The following CCDC3 variants were observed in gnomAD, a reference collection of about 807,000 sequenced individuals.
The protein encoded by CCDC3 is coiled-coil domain-containing protein 3.
CCDC3 carries 24 observed loss-of-function variants against 21.4 expected under a neutral mutation model. The observed-to-expected ratio is 1.12, with a 90% confidence interval of 0.81 to 1.58. The LOEUF is 1.58. Ranked by LOEUF, CCDC3 falls within the 40% of genes most tolerant of loss-of-function variation. CCDC3 has a pLI of 0.00. For missense variants in CCDC3, 425 were observed against 360.9 expected, an observed-to-expected ratio of 1.18 and a Z score of -1.44; for synonymous variants, 186 against 166.0, an observed-to-expected ratio of 1.12 and a Z score of -0.93.
chr10:13,000,816 C>CA (rs1389047050), intron 1 of CCDC3, among the ~76,000 whole-genome samples: 1 of 152,120 alleles, frequency 6.6e-6, no homozygotes, highest in Non-Finnish European at 1.5e-5. Context: ...AGGGCAGAGC[C>CA]AAAATGCCAG....
In CCDC3 at chr10:12,961,803, C is replaced by A. The variant is rs78226500; in HGVS notation, c.549+36535G>T. Among the ~76,000 whole-genome samples, 426 of 152,260 alleles carry A rather than the reference C, an allele frequency of 2.8e-3. 9 individuals are homozygous for A. In the East Asian group the frequency reaches 0.047, roughly 17 times the overall value. Reference sequence around the variant, plus strand: ...TCAGCCCTTTCCTTGGTTCATGCTGCTCAACCCCTCATGAAGCTTCCAAGT... The same window carrying A: ...TCAGCCCTTTCCTTGGTTCATGCTGATCAACCCCTCATGAAGCTTCCAAGT... On this transcript the variant is annotated intron_variant, in intron 2 of 2. Transcript: ENST00000378825.
At chr10:12,950,977 T>A (rs953160298) in intron 2 of CCDC3, among the ~76,000 whole-genome samples, 2 of 152,214 alleles carry the variant, frequency 1.3e-5, no homozygotes, top group African/African-American at 4.8e-5. Flanking sequence ...CCTTCCTCGA[T>A]AACACGAAGG....
At chr10:13,006,725 A>G (rs971630845) in intron 5 of CCDC3, among the ~76,000 whole-genome samples, 2 of 152,162 alleles carry the variant, frequency 1.3e-5, no homozygotes, top group Admixed American at 6.5e-5. Flanking sequence ...GCATGTGGCA[A>G]TGGTGCAGGG....
At chr10:13,008,021 G>C (rs1835944474) in intron 5 of CCDC3, among the ~76,000 whole-genome samples, 1 of 152,146 alleles carries the variant, frequency 6.6e-6, no homozygotes, top group Admixed American at 6.5e-5. Context: ...GCCCACTATA[G>C]GATATGAGAG....
At chr10:12,967,186 C>T (rs929790571) in intron 2 of CCDC3, among the ~76,000 whole-genome samples, 1 of 152,208 alleles carries the variant, frequency 6.6e-6, no homozygotes, top group Admixed American at 6.5e-5. Flanking sequence ...ATTCCATAAA[C>T]AGCATAGGTC....
Position 13,001,699 on chromosome 10 carries a change from C to T in CCDC3, c.-129G>A, listed in dbSNP as rs1158320377. On this transcript the variant is annotated 5_prime_UTR_variant, in exon 1 of 3. Transcript: ENST00000378825. ...GAGCTGAGCGCACCGCTGTCTCCGC[C>T]ACGGGGCTCGGCATGCCCGGCCCTG... 1.5e-5 allele frequency: 9 copies of T among 581,052 alleles called. No homozygotes were observed. The highest frequency in any genetic ancestry group is 2.5e-4 in the East Asian group (2 of 8,102). 36.0% of individuals were successfully genotyped at this position (581,052 alleles called of 1,614,324 possible). A position where few individuals can be genotyped will look rare whatever the true frequency, so the allele number is the denominator to read the frequency against.
chr10:12,962,517 T>C (rs1457911839), intron 2 of CCDC3, among the ~76,000 whole-genome samples: 1 of 152,122 alleles, frequency 6.6e-6, no homozygotes, highest in Non-Finnish European at 1.5e-5. Flanking sequence ...GCAGGAGAAT[T>C]GCTTGAACCT....
chr10:12,904,421 A>T (rs1834140680), intron 2 of CCDC3, among the ~76,000 whole-genome samples: 1 of 139,742 alleles, frequency 7.2e-6, no homozygotes, highest in Admixed American at 8.0e-5. Flanking sequence ...GTGAGCCATG[A>T]TTGCACCACT....
intron 5 of CCDC3, among the ~76,000 whole-genome samples, chr10:13,029,109 C>T (rs2131409974): frequency 6.6e-6 from 1 of 152,262 alleles, no homozygotes; most frequent in Non-Finnish European, 1.5e-5. Context: ...TGGCAATGTG[C>T]TCCTGCTGTG....
In CCDC3 at chr10:12,914,015, G is replaced by A. The variant is rs578236287; in HGVS notation, c.550-15336C>T. On this transcript the variant is annotated intron_variant, in intron 2 of 2. Transcript: ENST00000378825. ...TTTTCTTGAGAACTTTTGCATCTAC[G>A]TTCATCAGAGATTTTTGGCTTGTAA... is the stretch of plus-strand genomic sequence containing the variant. Among the ~76,000 whole-genome samples, 4 of 152,228 alleles carry A rather than the reference G, an allele frequency of 2.6e-5. No individual in the cohort carries two copies. The South Asian group carries it at 6.2e-4, about 24-fold the overall frequency.
At chr10:13,058,569 C>T (rs568612898) in intron 4 of CCDC3, 2 of 691,102 alleles carry the variant, frequency 2.9e-6, no homozygotes, top group African/African-American at 1.7e-5. Flanking sequence ...CCTGCATCAC[C>T]AAGCGTTTCT....
chr10:12,986,513 G>A (rs934764656), intron 2 of CCDC3, among the ~76,000 whole-genome samples: 9 of 152,098 alleles, frequency 5.9e-5, no homozygotes, highest in Non-Finnish European at 8.8e-5. Flanking sequence ...AGTGGTTCAC[G>A]CCTGTAATCC....
chr10:13,022,716 T>C (rs920587708), intron 5 of CCDC3, among the ~76,000 whole-genome samples: 4 of 152,196 alleles, frequency 2.6e-5, no homozygotes, highest in Non-Finnish European at 5.9e-5. Flanking sequence ...AACTGACCAT[T>C]TATCAAATTA....
At chr10:12,971,558 C>A (rs1835344025) in intron 2 of CCDC3, among the ~76,000 whole-genome samples, 2 of 152,194 alleles carry the variant, frequency 1.3e-5, no homozygotes, top group African/African-American at 2.4e-5. Flanking sequence ...TCCCCAGCAG[C>A]CTCTGTGCCT....
Position 13,018,258 on chromosome 10 carries a change from A to G in CCDC3, c.-1-19746T>C, listed in dbSNP as rs1040571425. Reference sequence around the variant, plus strand: ...ACGTGGTGGAAATATGGACAGTGGAAGAGTGGAACAAAGTTCTTGGGGTGG... The same window carrying G: ...ACGTGGTGGAAATATGGACAGTGGAGGAGTGGAACAAAGTTCTTGGGGTGG... On this transcript the variant is annotated intron_variant, in intron 5 of 6. Coordinates refer to the CCDC3 transcript ENST00000378839. 1.6e-4 allele frequency among the ~76,000 whole-genome samples: 24 copies of G among 152,102 alleles called. 1 individual carries two copies. Among genetic ancestry groups the G allele is most frequent in the African/African-American group, 4.6e-4 (19 of 41,452 alleles).
intron 2 of CCDC3, among the ~76,000 whole-genome samples, chr10:12,941,085 G>A (rs1757080): frequency 0.37 from 56,599 of 152,034 alleles, 10,848 homozygotes; most frequent in East Asian, 0.46. Context: ...GATGAGATAC[G>A]AGGTCAGCCC....
intron 2 of CCDC3, among the ~76,000 whole-genome samples, chr10:12,902,504 TCAAC>T (rs1834110348): frequency 6.6e-6 from 1 of 152,190 alleles, no homozygotes; most frequent in African/African-American, 2.4e-5. Flanking sequence ...GGTAGATTCT[TCAAC>T]CAAGAACAAG....
At chr10:13,093,774 A>C (rs1159592032) in intron 3 of CCDC3, among the ~76,000 whole-genome samples, 1 of 152,160 alleles carries the variant, frequency 6.6e-6, no homozygotes, top group Non-Finnish European at 1.5e-5. Context: ...TTGGAAAAAA[A>C]ATAAGTGAGA....
At chr10:12,979,419 GT>G (rs1835463884) in intron 2 of CCDC3, among the ~76,000 whole-genome samples, 1 of 151,666 alleles carries the variant, frequency 6.6e-6, no homozygotes, top group African/African-American at 2.4e-5. Context: ...TTGAGACAAG[GT>G]GTCACTCCAT....
Sources: allele counts gnomAD v4.1 joint callset (sites outside exome capture counted in the v4.1 genomes callset), GRCh38; gene constraint gnomAD v4.1.1; transcripts MANE v1.5; gene names NCBI Gene and HGNC (gene_info 2026-07-23, HGNC 2026-07-21).